Variants in HELLS observed in about 807,000 individuals in gnomAD.
HELLS encodes the protein helicase, lymphoid specific.
Under a neutral mutation model 120.0 loss-of-function variants are expected in HELLS, and 32 were observed. The ratio of observed to expected loss-of-function variants is 0.27; its 90% CI spans 0.20 to 0.36. The LOEUF is 0.36. Ranked by LOEUF, HELLS falls within the 10% of genes least tolerant of loss-of-function variation. The probability of loss-of-function intolerance (pLI) is 1.00; values close to 1 mark genes in which losing one functional copy is unlikely to be tolerated. For synonymous variants in HELLS, 341 were observed against 323.4 expected (o/e 1.05, Z -0.58); for missense variants, 650 against 993.4 (o/e 0.65, Z 4.65).
At chr10:94,605,344 A>G (rs1445622950), downstream of HELLS, among the ~76,000 whole-genome samples, 1 of 152,110 alleles carries the variant, frequency 6.6e-6, no homozygotes, top group East Asian at 1.9e-4. Context: ...CGGCCTCCCA[A>G]AGTGTTGGTA....
At chr10:94,563,456 G>A (rs947057616) in intron 6 of HELLS, among the ~76,000 whole-genome samples, 6 of 151,432 alleles carry the variant, frequency 4.0e-5, no homozygotes, top group African/African-American at 9.7e-5. Context: ...TCTTTCTTTC[G>A]TTTCCTTCCT....
intron 6 of HELLS, chr10:94,569,565 C>T (rs1364731548): frequency 6.6e-6 from 1 of 152,024 alleles, no homozygotes; most frequent in African/African-American, 2.4e-5. Context: ...TTAAATTTCT[C>T]AATAGGCTAA....
downstream of HELLS, among the ~76,000 whole-genome samples, chr10:94,606,438 G>A (rs1846130656): frequency 6.6e-6 from 1 of 151,560 alleles, no homozygotes. Flanking sequence ...GAATTTCTGG[G>A]CTCAAGCCAT....
chr10:94,566,454 C>A lies in HELLS; in HGVS notation c.435+3578C>A, dbSNP rs535017409. On this transcript the variant is annotated intron_variant, in intron 6 of 21. Transcript: ENST00000348459. ...AACTTGAAGTAAATTATATTTGCCT[C>A]CAATTTGTATATAAGTGAAAAGAGT... is the stretch of plus-strand genomic sequence containing the variant. 1.6e-4 allele frequency among the ~76,000 whole-genome samples: 25 copies of A among 152,046 alleles called. No homozygotes were observed. The South Asian group carries it at 4.8e-3, about 29-fold the overall frequency.
At chr10:94,573,436 G>A (rs1844278335) in intron 7 of HELLS, among the ~76,000 whole-genome samples, 1 of 151,462 alleles carries the variant, frequency 6.6e-6, no homozygotes, top group Admixed American at 6.6e-5. Flanking sequence ...ATTTGTAAGG[G>A]TTATTCTCAG....
intron 9 of HELLS, 56 bp from the exon 10 acceptor site, chr10:94,576,602 AATAG>A: frequency 1.2e-6 from 1 of 865,260 alleles, no homozygotes; most frequent in Middle Eastern, 2.4e-4. Flanking sequence ...ATATTTTCTA[AATAG>A]TCAATATTTA....
At chr10:94,607,776 G>A (rs1393501360) in intron 8 of HELLS, 1 of 173,052 alleles carries the variant, frequency 5.8e-6, no homozygotes, top group Non-Finnish European at 1.3e-5. Context: ...CTAGGCTACA[G>A]TGTAGTGGCG....
At chr10:94,576,168 C>T (rs1352989214) in intron 9 of HELLS, among the ~76,000 whole-genome samples, 4 of 151,958 alleles carry the variant, frequency 2.6e-5, no homozygotes, top group African/African-American at 9.7e-5. Flanking sequence ...GGCTGGAGTG[C>T]AGTGGCGTCA....
chr10:94,609,115 C>T (rs111505412), intron 9 of HELLS, among the ~76,000 whole-genome samples: 135 of 148,728 alleles, frequency 9.1e-4, no homozygotes, highest in African/African-American at 3.2e-3. Flanking sequence ...CTTCCACCTC[C>T]CAGGTTCAAG....
intron 8 of HELLS, 60 bp downstream of exon 8, chr10:94,574,247 T>C (rs955252776): frequency 1.8e-6 from 2 of 1,084,700 alleles, no homozygotes; most frequent in African/African-American, 1.6e-5. Context: ...AGCCTAATGA[T>C]TTGAGGTACC....
chr10:94,594,901 G>A (rs757675322), intron 19 of HELLS, 47 bp downstream of exon 19: 5 of 1,403,824 alleles, frequency 3.6e-6, no homozygotes, highest in Admixed American at 4.0e-5. Context: ...TGTGCATTGT[G>A]TGTTGTGGAT....
chr10:94,605,083 C>CA (rs553554582), downstream of HELLS, among the ~76,000 whole-genome samples: 1 of 130,694 alleles, frequency 7.7e-6, no homozygotes, highest in Non-Finnish European at 1.7e-5. Flanking sequence ...CCCCCCCCCC[C>CA]CCTTTTTTTT....
chr10:94,546,842 A>G (rs1262195929), intron 2 of HELLS, among the ~76,000 whole-genome samples: 1 of 152,178 alleles, frequency 6.6e-6, no homozygotes, highest in African/African-American at 2.4e-5. Flanking sequence ...CCTTAAATGT[A>G]TGTCTCATGG....
chr10:94,545,917 C>T lies in HELLS; in HGVS notation c.-5C>T, dbSNP rs909349373. ...GGGACCCGGTTCCCGGGTGAGTGTC[C>T]AGGCATGCCAGCGGAACGGCCCGCG... On this transcript the variant is annotated 5_prime_UTR_variant, in exon 1 of 22. Transcript: ENST00000348459. The T allele has an allele frequency of 4.5e-6, 7 of 1,554,772 alleles. No homozygotes were observed. The African/African-American group carries it at 8.2e-5, about 18-fold the overall frequency.
At chr10:94,564,820 A>G (rs900404027) in intron 6 of HELLS, among the ~76,000 whole-genome samples, 4 of 151,904 alleles carry the variant, frequency 2.6e-5, no homozygotes, top group Admixed American at 2.0e-4. Context: ...GTCTTGAACT[A>G]CTGACCTCAG....
intron 9 of HELLS, among the ~76,000 whole-genome samples, chr10:94,575,773 G>T (rs576636013): frequency 2.2e-4 from 3 of 13,894 alleles, no homozygotes; most frequent in African/African-American, 5.2e-4. Context: ...GGTTGTGTTT[G>T]TGTGTGTGTG....
chr10:94,572,126 A>C (rs985082882), intron 7 of HELLS, among the ~76,000 whole-genome samples: 3 of 152,148 alleles, frequency 2.0e-5, no homozygotes, highest in Non-Finnish European at 4.4e-5. Context: ...TTCTTTGTTA[A>C]GTTATTAAGG....
downstream of HELLS, among the ~76,000 whole-genome samples, chr10:94,602,916 T>C (rs930657537): frequency 3.9e-5 from 6 of 152,202 alleles, no homozygotes; most frequent in African/African-American, 1.4e-4. Flanking sequence ...ACCCAGTCTT[T>C]CCTGTTACAT....
downstream of HELLS, among the ~76,000 whole-genome samples, chr10:94,604,556 C>T (rs1846106315): frequency 6.8e-6 from 1 of 147,584 alleles, no homozygotes; most frequent in African/African-American, 2.5e-5. Flanking sequence ...TTTACTGTTC[C>T]TCATATTTAA....
Sources: allele counts gnomAD v4.1 joint callset (sites outside exome capture counted in the v4.1 genomes callset), GRCh38; gene constraint gnomAD v4.1.1; transcripts MANE v1.5; gene names NCBI Gene and HGNC (gene_info 2026-07-23, HGNC 2026-07-21).